SLC16A10: variants seen among roughly 807,000 people sequenced by gnomAD.
SLC16A10 encodes the protein solute carrier family 16 member 10.
Under a neutral mutation model 40.0 loss-of-function variants are expected in SLC16A10, and 27 were observed. That is an observed-to-expected ratio of 0.67 (90% CI 0.50 to 0.93). The LOEUF (loss-of-function observed/expected upper bound fraction) is 0.93. Ranked by LOEUF, SLC16A10 falls within the 40% of genes least tolerant of loss-of-function variation. The pLI, the probability that SLC16A10 is intolerant of heterozygous loss-of-function variation, is 0.00. For synonymous variants in SLC16A10, 213 were observed against 249.8 expected, an observed-to-expected ratio of 0.85 and a Z score of 1.39; for missense variants, 529 against 658.2, an observed-to-expected ratio of 0.80 and a Z score of 2.15.
chr6:111,189,440 G>A (rs1468328411), intron 3 of SLC16A10, among the ~76,000 whole-genome samples: 1 of 152,128 alleles, frequency 6.6e-6, no homozygotes, highest in African/African-American at 2.4e-5. Context: ...TTTAATTGAT[G>A]TATTATTAAA....
intron 1 of SLC16A10, among the ~76,000 whole-genome samples, chr6:111,114,376 A>G (rs1771446834): frequency 6.6e-6 from 1 of 152,196 alleles, no homozygotes; most frequent in Non-Finnish European, 1.5e-5. Flanking sequence ...ATCCTACCAC[A>G]TCTCATAGAA....
chr6:111,170,502 C>T (rs544850735), intron 1 of SLC16A10, among the ~76,000 whole-genome samples: 5 of 152,234 alleles, frequency 3.3e-5, no homozygotes, highest in African/African-American at 7.2e-5. Context: ...GGCTGGAGTG[C>T]GCAGTGGCGC....
intron 1 of SLC16A10, among the ~76,000 whole-genome samples, chr6:111,094,226 C>G (rs1410510975): frequency 6.6e-6 from 1 of 152,170 alleles, no homozygotes. Flanking sequence ...ACTTGCTTCA[C>G]TTTTCCTGCT....
chr6:111,225,693 T>G lies in SLC16A10; in HGVS notation c.*3458T>G, dbSNP rs899394587. The G allele has an allele frequency of 4.6e-5, 7 of 152,224 alleles. No homozygotes were observed. Among genetic ancestry groups the G allele is most frequent in the Non-Finnish European group, 8.8e-5 (6 of 68,054 alleles). 9.4% of individuals were successfully genotyped at this position (152,224 alleles called of 1,614,324 possible). A position where few individuals can be genotyped will look rare whatever the true frequency, so the allele number is the denominator to read the frequency against. ...AAATTGGCCTATGTCCAGATGACTT[T>G]TGATGTTAAATCAATGGAAAACTGA... On this transcript the variant is annotated 3_prime_UTR_variant, in exon 6 of 6. Transcript: ENST00000368851.
chr6:111,209,000 A>G (rs544928923), intron 4 of SLC16A10, among the ~76,000 whole-genome samples: 4 of 152,234 alleles, frequency 2.6e-5, no homozygotes, highest in African/African-American at 9.6e-5. Context: ...CCAGTTCGAG[A>G]CAATCCTGGA....
intron 1 of SLC16A10, among the ~76,000 whole-genome samples, chr6:111,103,276 G>A (rs1008110367): frequency 6.6e-6 from 1 of 151,896 alleles, no homozygotes; most frequent in Non-Finnish European, 1.5e-5. Context: ...GGAATGCAAT[G>A]GCACGATCTT....
chr6:111,091,489 C>G (rs1223740684), intron 1 of SLC16A10, among the ~76,000 whole-genome samples: 2 of 152,166 alleles, frequency 1.3e-5, no homozygotes, highest in Non-Finnish European at 2.9e-5. Context: ...GTTTCTTGGT[C>G]CTACTTTGTG....
At chr6:111,157,387 G>A (rs979896779) in intron 1 of SLC16A10, among the ~76,000 whole-genome samples, 5 of 151,796 alleles carry the variant, frequency 3.3e-5, no homozygotes, top group African/African-American at 1.2e-4. Flanking sequence ...GGGTTCAAGC[G>A]ATTCTCCTGC....
At chr6:111,092,270 C>T (rs1028868027) in intron 1 of SLC16A10, among the ~76,000 whole-genome samples, 1 of 148,524 alleles carries the variant, frequency 6.7e-6, no homozygotes, top group Non-Finnish European at 1.5e-5. Context: ...ACATACTGCT[C>T]TGTCTGAGGG....
Position 111,116,141 on chromosome 6 carries a change from C to T in SLC16A10, c.343+28046C>T, listed in dbSNP as rs540956998. On this transcript the variant is annotated intron_variant, in intron 1 of 5. Transcript: ENST00000368851. Reference sequence around the variant, plus strand: ...CTCCCTAGCATCTCGCGTAATGACTCATAAGAAAGAAAAAGCTAAATGCAT... The same window carrying T: ...CTCCCTAGCATCTCGCGTAATGACTTATAAGAAAGAAAAAGCTAAATGCAT... Among the ~76,000 whole-genome samples the T allele has an allele frequency of 6.8e-4, 104 of 152,134 alleles. 4 individuals carry two copies. The highest frequency in any genetic ancestry group is 5.7e-4 in the Non-Finnish European group (39 of 67,986).
At chr6:111,121,498 C>T (rs1369181039) in intron 1 of SLC16A10, among the ~76,000 whole-genome samples, 2 of 152,174 alleles carry the variant, frequency 1.3e-5, no homozygotes, top group Non-Finnish European at 2.9e-5. Flanking sequence ...AAAGTTGAGG[C>T]TGTGGTCAGC....
chr6:111,167,164 A>C (rs1772487519), intron 1 of SLC16A10, among the ~76,000 whole-genome samples: 2 of 152,226 alleles, frequency 1.3e-5, no homozygotes, highest in African/African-American at 4.8e-5. Context: ...GTAACTGAAA[A>C]GCAGGTTAGT....
chr6:111,094,966 A>G (rs1771047947), intron 1 of SLC16A10, among the ~76,000 whole-genome samples: 1 of 152,240 alleles, frequency 6.6e-6, no homozygotes, highest in African/African-American at 2.4e-5. Context: ...GGCAACAATT[A>G]GTCATAACCC....
intron 4 of SLC16A10, among the ~76,000 whole-genome samples, chr6:111,208,715 T>C (rs1225789638): frequency 1.3e-5 from 2 of 152,152 alleles, no homozygotes; most frequent in African/African-American, 4.8e-5. Context: ...GGAATCTCTG[T>C]CTCTTTCCAT....
intron 1 of SLC16A10, among the ~76,000 whole-genome samples, chr6:111,126,481 C>T (rs994163310): frequency 6.6e-6 from 1 of 151,904 alleles, no homozygotes; most frequent in African/African-American, 2.4e-5. Context: ...TATCTAGGAG[C>T]GTCATATTCA....
chr6:111,156,631 TCA>T (rs1772274998), intron 1 of SLC16A10, among the ~76,000 whole-genome samples: 1 of 152,152 alleles, frequency 6.6e-6, no homozygotes, highest in African/African-American at 2.4e-5. Flanking sequence ...TGGCAAACTG[TCA>T]CAGTCAAGAG....
intron 5 of SLC16A10, among the ~76,000 whole-genome samples, chr6:111,219,493 A>T (rs1481321573): frequency 6.6e-6 from 1 of 151,762 alleles, no homozygotes; most frequent in Non-Finnish European, 1.5e-5. Flanking sequence ...ATACCACTGT[A>T]CCCCAGCCTA....
rs896558802 is a variant in SLC16A10 at position 111,174,874 on chromosome 6, T to G, written c.488+2035T>G. The stretch of plus-strand genomic sequence containing the variant: ...TTTCTGACCACTGAGCAATAAAAAT[T>G]ATGACATATATTTTGATGTGACCCA... On this transcript the variant is annotated intron_variant, in intron 2 of 5. Transcript: ENST00000368851. 4.6e-5 allele frequency among the ~76,000 whole-genome samples: 7 copies of G among 152,298 alleles called. No homozygotes were observed. In the South Asian group the frequency reaches 8.3e-4, roughly 18 times the overall value.
chr6:111,112,931 A>C (rs1034154582), intron 1 of SLC16A10, among the ~76,000 whole-genome samples: 5 of 152,166 alleles, frequency 3.3e-5, no homozygotes. Context: ...GGTAACAGGA[A>C]CTTTAGTTGC....
Sources: allele counts gnomAD v4.1 joint callset (sites outside exome capture counted in the v4.1 genomes callset), GRCh38; gene constraint gnomAD v4.1.1; transcripts MANE v1.5; gene names NCBI Gene and HGNC (gene_info 2026-07-23, HGNC 2026-07-21).